Variants in PTPRZ1 observed in about 807,000 individuals in gnomAD.
PTPRZ1 encodes receptor-type tyrosine-protein phosphatase zeta.
In PTPRZ1, 82 loss-of-function variants were observed where a neutral mutation model predicts 214.1. The observed-to-expected ratio is 0.38, with a 90% CI of 0.32 to 0.46. PTPRZ1 has a LOEUF of 0.46. PTPRZ1 is among the 20% of genes least tolerant of loss of function. PTPRZ1 has a pLI of 1.00. For missense variants in PTPRZ1, 2,603 were observed against 2,748.7 expected (o/e 0.95, Z 1.19); for synonymous variants, 945 against 987.9 (o/e 0.96, Z 0.81).
At chr7:121,939,798 A>G (rs976145650) in intron 2 of PTPRZ1, among the ~76,000 whole-genome samples, 3 of 152,180 alleles carry the variant, frequency 2.0e-5, no homozygotes, top group Non-Finnish European at 4.4e-5. Context: ...TGCAAACAAT[A>G]GTGATTAAGC....
intron 1 of PTPRZ1, among the ~76,000 whole-genome samples, chr7:121,907,963 C>T (rs1278054259): frequency 2.0e-5 from 3 of 151,872 alleles, no homozygotes; most frequent in African/African-American, 2.4e-5. Flanking sequence ...TATCCAACTG[C>T]AAAATAATAA....
intron 1 of PTPRZ1, among the ~76,000 whole-genome samples, chr7:121,916,363 C>T (rs577739234): frequency 6.6e-6 from 1 of 152,110 alleles, no homozygotes; most frequent in Admixed American, 6.5e-5. Flanking sequence ...TCTAGGTGTC[C>T]CAGTGGCCTA....
chr7:122,004,785 A>G, intron 11 of PTPRZ1, 125 bp downstream of exon 11: 1 of 553,312 alleles, frequency 1.8e-6, no homozygotes, highest in Non-Finnish European at 3.2e-6. Flanking sequence ...TTGTGGGGTT[A>G]GTTGCTAAGC....
At chr7:122,027,836 C>A (rs1799246950) in intron 13 of PTPRZ1, among the ~76,000 whole-genome samples, 1 of 152,128 alleles carries the variant, frequency 6.6e-6, no homozygotes, top group African/African-American at 2.4e-5. Flanking sequence ...TGAATATATT[C>A]ATTCTCGAAA....
In PTPRZ1 at chr7:122,053,326, G is replaced by C. The variant is rs143613878; in HGVS notation, c.6253-584G>C. 5.9e-5 allele frequency among the ~76,000 whole-genome samples: 9 copies of C among 152,296 alleles called. No individual in the cohort carries two copies. In the East Asian group the frequency reaches 1.7e-3, roughly 29 times the overall value. On this transcript the variant is annotated intron_variant, in intron 25 of 29. Transcript: ENST00000393386. ...ATGGCATATCTGCAAAGTCCATGTA[G>C]GTGTGAGGGTCAGCGAGGCCAGCCA...
chr7:121,927,688 A>G (rs1795804188), intron 1 of PTPRZ1, among the ~76,000 whole-genome samples: 1 of 152,230 alleles, frequency 6.6e-6, no homozygotes, highest in Non-Finnish European at 1.5e-5. Context: ...TGCATTAGGA[A>G]GGAAGCAAAT....
chr7:121,932,355 A>G (rs980578161), intron 2 of PTPRZ1, among the ~76,000 whole-genome samples: 1 of 152,234 alleles, frequency 6.6e-6, no homozygotes, highest in Non-Finnish European at 1.5e-5. Context: ...TTTTCCATTT[A>G]GAAAATGAAC....
chr7:122,038,374 G>A (rs190884255), intron 18 of PTPRZ1, among the ~76,000 whole-genome samples: 2 of 152,228 alleles, frequency 1.3e-5, no homozygotes, highest in African/African-American at 4.8e-5. Flanking sequence ...TCTGAGCCCA[G>A]TGCCTAAAAT....
At chr7:122,025,330 C>CTTT (rs766588678) in intron 13 of PTPRZ1, among the ~76,000 whole-genome samples, 6 of 132,870 alleles carry the variant, frequency 4.5e-5, no homozygotes, top group Non-Finnish European at 8.2e-5. Context: ...CTTTTTTTTT[C>CTTT]TTTTTTTTTT....
At position 122,043,699 on chromosome 7, in the gene PTPRZ1, A is replaced by G. The variant is rs558374148; in HGVS notation, c.5938-723A>G. On this transcript the variant is annotated intron_variant, in intron 22 of 29. Transcript: ENST00000393386. ...ATGTTCTCACTTATAAGTGGGAGCT[A>G]AATGATGAGAACACATGGAGACATA... 3.3e-5 allele frequency among the ~76,000 whole-genome samples: 5 copies of G among 152,266 alleles called. No homozygotes were observed. In the East Asian group the frequency reaches 9.7e-4, roughly 30 times the overall value.
chr7:121,960,160 T>A (rs1232020520), intron 2 of PTPRZ1, among the ~76,000 whole-genome samples: 2 of 152,190 alleles, frequency 1.3e-5, no homozygotes, highest in Non-Finnish European at 2.9e-5. Flanking sequence ...TGCCTCAGCC[T>A]CCCGATTAGC....
Position 121,878,902 on chromosome 7 carries a change from GTTGT to G in PTPRZ1, c.58+5351_58+5354del, listed in dbSNP as rs141514510. 9.3e-3 allele frequency among the ~76,000 whole-genome samples: 1,417 copies of G among 151,946 alleles called. 18 individuals carry two copies. Among genetic ancestry groups the G allele is most frequent in the African/African-American group, 0.031 (1,272 of 41,288 alleles). ...ATGAAGCTTCTTAGAAAAAAAAATA[GTTGT>G]TTGTTGTTGAGACTGGCCAATTTTC... On this transcript the variant is annotated intron_variant, in intron 1 of 29. Transcript: ENST00000393386.
rs78270968 is a variant in PTPRZ1, at chr7:122,011,804, C to A, written c.2758C>A (p.Arg920Ser). ...CAGCAGTGATGCCATGATGCATGCA[C>A]GTTCTTCAGGGCCTGAACCTTCTTA... is the stretch of plus-strand genomic sequence containing the variant. ...PPSSDAMMHA[R>S]SSGPEPSYAL... Residue 920 changes from arginine (R) to serine (S), a missense_variant, in exon 12 of 30, where the codon CGT becomes AGT. This residue lies in a region of PTPRZ1 where 1,913 missense variants were observed against 1,914.3 expected (regional missense o/e 1.00). Transcript: ENST00000393386. The A allele has an allele frequency of 6.2e-7, 1 of 1,614,068 alleles. No individual in the cohort carries two copies. Among genetic ancestry groups the A allele is most frequent in the Non-Finnish European group, 8.5e-7 (1 of 1,179,950 alleles).
chr7:121,898,045 GTACCACTTC>G (rs1794849392), intron 1 of PTPRZ1, among the ~76,000 whole-genome samples: 1 of 151,986 alleles, frequency 6.6e-6, no homozygotes, highest in East Asian at 1.9e-4. Flanking sequence ...AATGTAGAAT[GTACCACTTC>G]GGTGGTACAT....
chr7:122,005,203 A>G (rs568674368), intron 11 of PTPRZ1, among the ~76,000 whole-genome samples: 7 of 152,156 alleles, frequency 4.6e-5, no homozygotes, highest in African/African-American at 1.7e-4. Context: ...AGTAGTCTAT[A>G]CTTTTTAAAG....
At chr7:121,976,735 G>C (rs1255353508) in intron 5 of PTPRZ1, 50 bp from the exon 6 acceptor site, 1 of 1,373,034 alleles carries the variant, frequency 7.3e-7, no homozygotes. Context: ...TTATTGAATA[G>C]TTATCCAAAT....
chr7:121,955,479 C>T (rs762059936), intron 2 of PTPRZ1, among the ~76,000 whole-genome samples: 3 of 151,704 alleles, frequency 2.0e-5, no homozygotes, highest in Non-Finnish European at 2.9e-5. Flanking sequence ...CTGCATTTGC[C>T]GTCTCATTGG....
At chr7:121,968,324 C>G (rs1313330514) in intron 3 of PTPRZ1, among the ~76,000 whole-genome samples, 194 bp downstream of exon 3, 2 of 151,886 alleles carry the variant, frequency 1.3e-5, no homozygotes, top group African/African-American at 4.8e-5. Flanking sequence ...AAAAAAATGA[C>G]CAATGTCATC....
intron 8 of PTPRZ1, among the ~76,000 whole-genome samples, chr7:121,986,525 G>A (rs1486426744): frequency 2.0e-5 from 3 of 152,092 alleles, no homozygotes; most frequent in Non-Finnish European, 4.4e-5. Flanking sequence ...GGTGTTTTGG[G>A]TTCTAGAAAT....
Sources: allele counts gnomAD v4.1 joint callset (sites outside exome capture counted in the v4.1 genomes callset), GRCh38; gene constraint gnomAD v4.1.1; regional missense constraint gnomAD v4.1.1; transcripts MANE v1.5; gene names NCBI Gene and HGNC (gene_info 2026-07-23, HGNC 2026-07-21).